Variants in ANKS1B observed in about 807,000 individuals in gnomAD.
The protein encoded by ANKS1B is ankyrin repeat and sterile alpha motif domain containing 1B.
In ANKS1B, 36 loss-of-function variants were observed where a neutral mutation model predicts 148.3. That is an observed-to-expected ratio of 0.24 (90% CI 0.19 to 0.32). ANKS1B has a LOEUF of 0.32. Among genes scored for constraint, ANKS1B ranks in the 10% least tolerant of loss-of-function variants. The pLI, the probability that ANKS1B is intolerant of heterozygous loss-of-function variation, is 1.00. For synonymous variants in ANKS1B, 542 were observed against 560.8 expected (o/e 0.97, Z 0.47); for missense variants, 1,157 against 1,542.6 (o/e 0.75, Z 4.19).
chr12:99,283,068 A>C (rs1459482161), intron 12 of ANKS1B, among the ~76,000 whole-genome samples: 1 of 152,222 alleles, frequency 6.6e-6, no homozygotes, highest in Non-Finnish European at 1.5e-5. Flanking sequence ...TGGGGATGTC[A>C]GAAGAGATGT....
chr12:99,481,040 A>T lies in ANKS1B; in HGVS notation c.1438+23436T>A, dbSNP rs774164078. On this transcript the variant is annotated intron_variant, in intron 10 of 26. Transcript: ENST00000683438. The stretch of plus-strand genomic sequence containing the variant: ...GAGCAAATGTCTTTTTTTAAAAAAA[A>T]ATTCAATAGCTTTTGAGGTATAAGT... Among the ~76,000 whole-genome samples the T allele has an allele frequency of 3.3e-5, 5 of 151,748 alleles. 1 individual carries two copies. Among genetic ancestry groups the T allele is most frequent in the Admixed American group, 2.0e-4 (3 of 15,184 alleles).
intron 12 of ANKS1B, 128 bp downstream of exon 12, chr12:99,399,503 C>T (rs1162293902): frequency 2.2e-6 from 2 of 919,094 alleles, no homozygotes; most frequent in Non-Finnish European, 3.2e-6. Context: ...TAAAGCCCTA[C>T]ATTGCCACAC....
At chr12:99,554,765 A>G (rs900478705) in intron 9 of ANKS1B, among the ~76,000 whole-genome samples, 1 of 152,176 alleles carries the variant, frequency 6.6e-6, no homozygotes, top group African/African-American at 2.4e-5. Context: ...TGTGTGTCAC[A>G]GGGGTTTGGA....
chr12:99,237,798 T>C (rs570853430), intron 14 of ANKS1B, among the ~76,000 whole-genome samples: 1 of 152,216 alleles, frequency 6.6e-6, no homozygotes. Flanking sequence ...ATATACATAT[T>C]TGAAGACAGG....
At chr12:99,227,060 T>C (rs1184947547) in intron 14 of ANKS1B, among the ~76,000 whole-genome samples, 1 of 152,202 alleles carries the variant, frequency 6.6e-6, no homozygotes, top group Non-Finnish European at 1.5e-5. Context: ...TTTTGTTCCC[T>C]AGTGTATTGT....
intron 14 of ANKS1B, among the ~76,000 whole-genome samples, chr12:99,219,570 G>T (rs1163075387): frequency 6.6e-6 from 1 of 152,020 alleles, no homozygotes; most frequent in East Asian, 1.9e-4. Flanking sequence ...AGGTTAGCTG[G>T]GCTTTAAAAT....
At chr12:99,296,546 T>C (rs767072484) in intron 12 of ANKS1B, among the ~76,000 whole-genome samples, 1 of 152,220 alleles carries the variant, frequency 6.6e-6, no homozygotes, top group Non-Finnish European at 1.5e-5. Flanking sequence ...CAGAGATATC[T>C]TTCCTTGATT....
At chr12:99,457,409 G>A (rs1045234554) in intron 10 of ANKS1B, among the ~76,000 whole-genome samples, 1 of 151,592 alleles carries the variant, frequency 6.6e-6, no homozygotes, top group African/African-American at 2.4e-5. Flanking sequence ...ATGATAAACA[G>A]AACAGAACTT....
chr12:99,156,951 C>A (rs1460684765), intron 14 of ANKS1B, among the ~76,000 whole-genome samples: 1 of 152,146 alleles, frequency 6.6e-6, no homozygotes, highest in Non-Finnish European at 1.5e-5. Context: ...TATCCCAAGT[C>A]TCTAAATTAT....
intron 1 of ANKS1B, among the ~76,000 whole-genome samples, chr12:99,968,724 G>A (rs572918170): frequency 3.0e-4 from 46 of 152,296 alleles, no homozygotes; most frequent in Non-Finnish European, 5.7e-4. Context: ...TGGAGGTGGG[G>A]TCTGGTGGGA....
At chr12:99,144,663 T>A (rs1378495056) in intron 15 of ANKS1B, among the ~76,000 whole-genome samples, 1 of 152,004 alleles carries the variant, frequency 6.6e-6, no homozygotes, top group African/African-American at 2.4e-5. Flanking sequence ...TGGATATAGA[T>A]ACACATCCTA....
chr12:99,629,430 G>A (rs1243385706), intron 9 of ANKS1B, among the ~76,000 whole-genome samples: 1 of 152,098 alleles, frequency 6.6e-6, no homozygotes, highest in Non-Finnish European at 1.5e-5. Flanking sequence ...AATATTACTA[G>A]GAGGTACTCT....
chr12:99,704,805 T>C (rs2055458080), intron 8 of ANKS1B, among the ~76,000 whole-genome samples: 2 of 152,050 alleles, frequency 1.3e-5, no homozygotes, highest in Admixed American at 1.3e-4. Flanking sequence ...TAGAGGAAAT[T>C]TCATAAGACT....
intron 22 of ANKS1B, among the ~76,000 whole-genome samples, chr12:98,789,080 T>G (rs969020419): frequency 6.6e-6 from 1 of 152,242 alleles, no homozygotes; most frequent in African/African-American, 2.4e-5. Context: ...TAGTGGCTCA[T>G]GCCTATAATC....
At chr12:99,164,447 G>T (rs1413904112) in intron 14 of ANKS1B, among the ~76,000 whole-genome samples, 1 of 151,020 alleles carries the variant, frequency 6.6e-6, no homozygotes, top group East Asian at 1.9e-4. Context: ...TTCATTTTTG[G>T]TACTCTGGTA....
chr12:99,725,957 G>C (rs2058575360), intron 8 of ANKS1B, among the ~76,000 whole-genome samples: 1 of 152,114 alleles, frequency 6.6e-6, no homozygotes, highest in South Asian at 2.1e-4. Flanking sequence ...TAAGAACAAA[G>C]AGACAATGTG....
intron 19 of ANKS1B, among the ~76,000 whole-genome samples, chr12:98,825,302 ATGCT>A (rs1417151008): frequency 6.6e-6 from 1 of 152,216 alleles, no homozygotes; most frequent in Non-Finnish European, 1.5e-5. Context: ...AATATACAAA[ATGCT>A]TTCAAATAGA....
intron 17 of ANKS1B, among the ~76,000 whole-genome samples, chr12:98,945,551 A>T (rs1466649879): frequency 6.7e-6 from 1 of 150,024 alleles, no homozygotes; most frequent in Non-Finnish European, 1.5e-5. Flanking sequence ...GAGAGAGAGG[A>T]AATAAGTAAC....
chr12:99,212,210 C>T (rs762328802), intron 14 of ANKS1B, among the ~76,000 whole-genome samples: 14 of 152,178 alleles, frequency 9.2e-5, no homozygotes, highest in Admixed American at 2.6e-4. Flanking sequence ...CTAGGGTTAT[C>T]GCCTAAAAAA....
Sources: allele counts gnomAD v4.1 joint callset (sites outside exome capture counted in the v4.1 genomes callset), GRCh38; gene constraint gnomAD v4.1.1; transcripts MANE v1.5; gene names NCBI Gene and HGNC (gene_info 2026-07-23, HGNC 2026-07-21).